The following ALLC variants were observed in gnomAD, a reference collection of about 807,000 sequenced individuals.
The protein encoded by ALLC is allantoicase.
ALLC carries 40 observed loss-of-function variants against 45.0 expected under a neutral mutation model. The ratio of observed to expected loss-of-function variants is 0.89; its 90% CI spans 0.69 to 1.16. ALLC has a LOEUF of 1.16. ALLC is among the 50% of genes most tolerant of loss of function. The probability of loss-of-function intolerance (pLI) is 0.00; values close to 1 mark genes in which losing one functional copy is unlikely to be tolerated. For synonymous variants in ALLC, 176 were observed against 178.1 expected, an observed-to-expected ratio of 0.99 and a Z score of 0.09; for missense variants, 488 against 493.1, an observed-to-expected ratio of 0.99 and a Z score of 0.10.
At chr2:3,682,776 C>T (rs371189374) in intron 6 of ALLC, among the ~76,000 whole-genome samples, 166 bp from the exon 7 acceptor site, 18 of 152,314 alleles carry the variant, frequency 1.2e-4, no homozygotes, top group South Asian at 1.0e-3. Flanking sequence ...CCGCCCGCCT[C>T]GGCCTCCCAA....
At chr2:3,700,526 C>A (rs1274874010) in intron 10 of ALLC, among the ~76,000 whole-genome samples, 1 of 152,142 alleles carries the variant, frequency 6.6e-6, no homozygotes, top group East Asian at 1.9e-4. Flanking sequence ...CCCAAAACTG[C>A]AACAGGTCAT....
intron 2 of ALLC, among the ~76,000 whole-genome samples, chr2:3,672,635 G>A (rs1341569867): frequency 2.7e-5 from 3 of 112,424 alleles, no homozygotes; most frequent in Admixed American, 8.1e-5. Flanking sequence ...CTCTGGCTCT[G>A]GTTAGATGGG....
intron 7 of ALLC, chr2:3,688,570 T>C: frequency 4.8e-6 from 1 of 206,806 alleles, no homozygotes; most frequent in Non-Finnish European, 1.0e-5. Flanking sequence ...GTTTTCATAC[T>C]TCTCATGATT....
At position 3,673,713 on chromosome 2, in the gene ALLC, C is replaced by T. The variant is rs538633442; in HGVS notation, c.34-362C>T. ...TGTGGGTGAACACAGAGGCCCCAAC[C>T]GCATACGTAACCCAGAGCTTTTTTG... On this transcript the variant is annotated intron_variant, in intron 2 of 11. Transcript: ENST00000252505. Among the ~76,000 whole-genome samples the T allele has an allele frequency of 2.3e-3, 353 of 152,328 alleles. 1 individual carries two copies. Among genetic ancestry groups the T allele is most frequent in the African/African-American group, 8.0e-3 (334 of 41,592 alleles).
chr2:3,651,445 G>GTGT, the ALLC span, among the ~76,000 whole-genome samples: 12 of 25,460 alleles, frequency 4.7e-4, 4 homozygotes, highest in South Asian at 2.1e-3. Context: ...GTGTGTGTTA[G>GTGT]GAAGGGAGAC....
intron 1 of ALLC, among the ~76,000 whole-genome samples, chr2:3,667,338 G>C (rs573693615): frequency 6.6e-6 from 1 of 152,344 alleles, no homozygotes; most frequent in Non-Finnish European, 1.5e-5. Context: ...GCTCAGCCCC[G>C]GGCATGGCGT....
the ALLC span, among the ~76,000 whole-genome samples, chr2:3,648,591 C>T: frequency 2.0e-5 from 3 of 152,324 alleles, no homozygotes; most frequent in Non-Finnish European, 2.9e-5. Flanking sequence ...CTTCCATGTG[C>T]GGACTCCTGG....
intron 3 of ALLC, 94 bp from the exon 4 acceptor site, chr2:3,678,374 C>A: frequency 9.3e-7 from 1 of 1,079,990 alleles, no homozygotes; most frequent in Non-Finnish European, 1.4e-6. Context: ...CGGTTTGCAC[C>A]GTTCCTCTGG....
In ALLC at chr2:3,702,574, G is replaced by A. The variant is rs1310575736; in HGVS notation, c.*11G>A. On this transcript the variant is annotated 3_prime_UTR_variant, in exon 12 of 12. Transcript: ENST00000252505. The stretch of plus-strand genomic sequence containing the variant: ...AAAGCAAACCCTTAACACACACAAA[G>A]CCCCGGTGTCGGACACACAGCAGTA... The A allele has an allele frequency of 6.5e-7, 1 of 1,529,608 alleles. No individual in the cohort carries two copies. The highest frequency in any genetic ancestry group is 1.2e-5 in the South Asian group (1 of 80,032). The allele number at this position is 1,529,608 out of a possible 1,614,324, so 94.8% of individuals were successfully genotyped here. A position where few individuals can be genotyped will look rare whatever the true frequency, so the allele number is the denominator to read the frequency against.
At chr2:3,650,019 C>G in the ALLC span, among the ~76,000 whole-genome samples, 3 of 152,252 alleles carry the variant, frequency 2.0e-5, no homozygotes, top group Non-Finnish European at 4.4e-5. Context: ...CTGTGAGGAA[C>G]TGGACGTGAT....
At chr2:3,701,059 C>T (rs1213050453) in intron 10 of ALLC, among the ~76,000 whole-genome samples, 2 of 152,126 alleles carry the variant, frequency 1.3e-5, no homozygotes, top group Non-Finnish European at 2.9e-5. Context: ...TGGCTGGTGC[C>T]CAGCGCTAGC....
At chr2:3,697,023 A>G (rs573132610) in intron 9 of ALLC, among the ~76,000 whole-genome samples, 2 of 152,342 alleles carry the variant, frequency 1.3e-5, no homozygotes, top group African/African-American at 2.4e-5. Flanking sequence ...TAAAAGGTCA[A>G]AACAAACTAA....
At chr2:3,650,796 GA>G in the ALLC span, among the ~76,000 whole-genome samples, 114 of 152,324 alleles carry the variant, frequency 7.5e-4, no homozygotes, top group African/African-American at 2.5e-3. Context: ...TCATGGAGGG[GA>G]GTCTGTGTTA....
intron 2 of ALLC, among the ~76,000 whole-genome samples, chr2:3,671,789 G>A (rs968440980): frequency 0.02 from 2,463 of 122,112 alleles, 12 homozygotes; most frequent in African/African-American, 0.024. Context: ...TTAGATGGGA[G>A]GTCCTCTGGC....
At position 3,702,452 on chromosome 2, in the gene ALLC, CG is replaced by C. The variant is rs753686742; in HGVS notation, c.1070del (p.Gly357GlufsTer2). ...THARLTIVPD[G>X]GVSRLRLRGF... ...ACGCCAGGCTCACCATCGTCCCCGA[CG>C]GGGGAGTGAGCCGCCTTCGGCTCCG... On this transcript the variant is annotated frameshift_variant, in exon 12 of 12. Coordinates refer to ENST00000252505, the MANE Select transcript of ALLC (RefSeq NM_018436.4). LOFTEE classifies it high-confidence loss of function. The C allele has an allele frequency of 8.7e-6, 14 of 1,612,694 alleles. No homozygotes were observed. The South Asian group carries it at 1.5e-4, about 18-fold the overall frequency.
chr2:3,665,138 C>T (rs561183663), intron 1 of ALLC, among the ~76,000 whole-genome samples: 20 of 152,222 alleles, frequency 1.3e-4, no homozygotes, highest in African/African-American at 4.3e-4. Context: ...CGCAGCGAGA[C>T]GGATCCTGGA....
intron 7 of ALLC, chr2:3,694,863 C>CAATTAA (rs1667619919): frequency 6.6e-6 from 1 of 152,118 alleles, no homozygotes; most frequent in Non-Finnish European, 1.5e-5. Flanking sequence ...TGGTTTCCAC[C>CAATTAA]TTCTAGCAAT....
chr2:3,676,931 GCACC>G (rs1572515429), intron 3 of ALLC, among the ~76,000 whole-genome samples: 1 of 152,164 alleles, frequency 6.6e-6, no homozygotes, highest in East Asian at 1.9e-4. Context: ...GGGACTACAG[GCACC>G]CGCCACCACG....
At chr2:3,693,364 G>A (rs1403371918) in intron 7 of ALLC, among the ~76,000 whole-genome samples, 1 of 152,142 alleles carries the variant, frequency 6.6e-6, no homozygotes, top group Non-Finnish European at 1.5e-5. Context: ...ATCTAAACAC[G>A]TTTACTAATA....
Sources: gnomAD v4.1 joint callset for allele counts (sites outside exome capture counted in the v4.1 genomes callset) on GRCh38, gnomAD v4.1.1 for gene constraint, MANE v1.5 for transcripts, NCBI Gene and HGNC (gene_info 2026-07-23, HGNC 2026-07-21) for gene names.